The following PLS1 variants were observed in gnomAD, a reference collection of about 807,000 sequenced individuals.
PLS1 encodes plastin 1, also known as plastin-1.
PLS1 carries 32 observed loss-of-function variants against 73.7 expected under a neutral mutation model. That is an observed-to-expected ratio of 0.43 (90% confidence interval 0.33 to 0.58). The LOEUF (loss-of-function observed/expected upper bound fraction) is 0.58. Ranked by LOEUF, PLS1 falls within the 20% of genes least tolerant of loss-of-function variation. The probability of loss-of-function intolerance (pLI) is 0.04; values close to 1 mark genes in which losing one functional copy is unlikely to be tolerated. For missense variants in PLS1, 633 were observed against 740.5 expected (o/e 0.85, Z 1.68); for synonymous variants, 217 against 261.3 (o/e 0.83, Z 1.63).
intron 1 of PLS1, among the ~76,000 whole-genome samples, chr3:142,639,082 T>G (rs1435356385): frequency 6.6e-6 from 1 of 152,158 alleles, no homozygotes; most frequent in African/African-American, 2.4e-5. Context: ...TCATCAGTAC[T>G]TATATAATAG....
intron 1 of PLS1, among the ~76,000 whole-genome samples, chr3:142,619,019 G>A (rs567344342): frequency 2.0e-4 from 30 of 152,276 alleles, no homozygotes; most frequent in African/African-American, 6.3e-4. Flanking sequence ...ATAAGATAGC[G>A]GTGGTTATCG....
At chr3:142,710,366 T>C (rs574980436) in intron 14 of PLS1, among the ~76,000 whole-genome samples, 3 of 152,238 alleles carry the variant, frequency 2.0e-5, no homozygotes, top group Admixed American at 6.5e-5. Context: ...AGAATAGCAT[T>C]CCTCTATTTG....
At chr3:142,604,100 A>G (rs1017180198) in intron 1 of PLS1, among the ~76,000 whole-genome samples, 2 of 152,140 alleles carry the variant, frequency 1.3e-5, no homozygotes, top group Non-Finnish European at 2.9e-5. Context: ...AGCTCCTTCA[A>G]TTTTTTTGAG....
chr3:142,670,997 T>C lies in PLS1; in HGVS notation c.239T>C (p.Met80Thr). Residue 80 changes from methionine to threonine, a missense_variant, in exon 4 of 16, where the codon ATG (methionine) becomes ACG (threonine). Coordinates refer to ENST00000457734, the MANE Select transcript of PLS1 (RefSeq NM_001145319.2). Reference sequence around the variant, plus strand: ...TTTACTTATGTTCCATTCCAGCTAATGCAAGAATTAAAAAGCAAAGATATC... The same window carrying C: ...TTTACTTATGTTCCATTCCAGCTAACGCAAGAATTAAAAAGCAAAGATATC... ...KISFEEFVSL[M>T]QELKSKDISK... 1 of 1,589,376 alleles carries C rather than the reference T, an allele frequency of 6.3e-7. No homozygotes were observed. The highest frequency in any genetic ancestry group is 8.6e-7 in the Non-Finnish European group (1 of 1,159,432).
intron 2 of PLS1, among the ~76,000 whole-genome samples, chr3:142,666,272 C>T (rs2037477814): frequency 6.6e-6 from 1 of 152,158 alleles, no homozygotes; most frequent in African/African-American, 2.4e-5. Flanking sequence ...ACCACCATCC[C>T]TTTCCCAAAC....
chr3:142,697,828 GTCAT>G, intron 11 of PLS1, 121 bp from the exon 12 acceptor site: 1 of 587,354 alleles, frequency 1.7e-6, no homozygotes, highest in Non-Finnish European at 3.1e-6. Flanking sequence ...GATATGTCCT[GTCAT>G]TCTTTAAGAA....
chr3:142,614,451 G>A (rs538577523), intron 1 of PLS1, among the ~76,000 whole-genome samples: 47 of 152,222 alleles, frequency 3.1e-4, no homozygotes, highest in African/African-American at 1.1e-3. Flanking sequence ...TTATCTAGAG[G>A]GTACAGCAAC....
At chr3:142,680,045 G>A (rs995561496) in intron 6 of PLS1, among the ~76,000 whole-genome samples, 5 of 152,110 alleles carry the variant, frequency 3.3e-5, no homozygotes, top group Non-Finnish European at 7.3e-5. Context: ...AATTGTGAAT[G>A]GGAGTTCACT....
chr3:142,598,316 C>T (rs1217942535), intron 1 of PLS1, among the ~76,000 whole-genome samples: 1 of 152,076 alleles, frequency 6.6e-6, no homozygotes, highest in Non-Finnish European at 1.5e-5. Context: ...ATTCTTAGCC[C>T]CTGTTTGTGG....
At position 142,603,283 on chromosome 3, in the gene PLS1, A is replaced by G. The variant is rs373790983; in HGVS notation, c.-37+6774A>G. ...GTAAAGGCACGTTGCTTTTTATTAT[A>G]GTAATATTGTGGGCACAGAAAGGGT... On this transcript the variant is annotated intron_variant, in intron 1 of 15. Transcript: ENST00000457734. Among the ~76,000 whole-genome samples, 4 of 152,256 alleles carry G rather than the reference A, an allele frequency of 2.6e-5. No individual in the cohort carries two copies. In the East Asian group the frequency reaches 7.7e-4, roughly 29 times the overall value.
rs533235260 is a variant in PLS1, at chr3:142,623,761, A to G, written c.-37+27252A>G. ...TGTGAAGATAATATAATTCTTAATT[A>G]TCTCTTCATTTTTCTGTTTGAAAAC... On this transcript the variant is annotated intron_variant, in intron 1 of 15. Coordinates refer to ENST00000457734, the MANE Select transcript of PLS1 (RefSeq NM_001145319.2). Among the ~76,000 whole-genome samples, 7 of 152,330 alleles carry G rather than the reference A, an allele frequency of 4.6e-5. No individual in the cohort carries two copies. The East Asian group carries it at 1.4e-3, about 29-fold the overall frequency.
intron 1 of PLS1, among the ~76,000 whole-genome samples, chr3:142,633,809 T>G (rs2036618889): frequency 6.6e-6 from 1 of 152,084 alleles, no homozygotes; most frequent in Non-Finnish European, 1.5e-5. Flanking sequence ...CAGTAAAAAA[T>G]TACCAGGCAT....
chr3:142,693,901 G>A (rs1445313206), intron 10 of PLS1, among the ~76,000 whole-genome samples: 2 of 151,816 alleles, frequency 1.3e-5, no homozygotes, highest in East Asian at 3.9e-4. Flanking sequence ...ACTAACTCAG[G>A]AAGCCTGTAA....
At chr3:142,668,908 A>G (rs1208411888) in intron 2 of PLS1, among the ~76,000 whole-genome samples, 1 of 151,846 alleles carries the variant, frequency 6.6e-6, no homozygotes. Flanking sequence ...GGCCCCCCCC[A>G]TGCTTATTTC....
chr3:142,685,552 G>A (rs111621484), intron 8 of PLS1, among the ~76,000 whole-genome samples: 2,752 of 152,270 alleles, frequency 0.018, 84 homozygotes, highest in African/African-American at 0.062. Context: ...TCAGTCACAT[G>A]TCTGGTGCCT....
At position 142,667,332 on chromosome 3, in the gene PLS1, T is replaced by A. The variant is rs2037500339; in HGVS notation, c.71-2058T>A. Among the ~76,000 whole-genome samples, 3 of 152,084 alleles carry A rather than the reference T, an allele frequency of 2.0e-5. No individual in the cohort carries two copies. The South Asian group carries it at 6.2e-4, about 32-fold the overall frequency. On this transcript the variant is annotated intron_variant, in intron 2 of 15. Transcript: ENST00000457734. Reference sequence around the variant, plus strand: ...TGGGAGGCTGAGGCAGGAGAATCGCTTGAACCTGGGAGGCAGAGGTTGTAG... The same window carrying A: ...TGGGAGGCTGAGGCAGGAGAATCGCATGAACCTGGGAGGCAGAGGTTGTAG...
intron 1 of PLS1, among the ~76,000 whole-genome samples, chr3:142,611,459 A>C (rs967319879): frequency 6.6e-6 from 1 of 152,174 alleles, no homozygotes; most frequent in Non-Finnish European, 1.5e-5. Context: ...TTGTCTCTAC[A>C]AAAAATTTAA....
chr3:142,634,882 T>C (rs2036643169), intron 1 of PLS1, among the ~76,000 whole-genome samples: 1 of 151,880 alleles, frequency 6.6e-6, no homozygotes, highest in Non-Finnish European at 1.5e-5. Flanking sequence ...ACATATGGGG[T>C]TTGAGCGGAA....
At chr3:142,676,580 G>T (rs1486783873) in intron 5 of PLS1, among the ~76,000 whole-genome samples, 1 of 152,150 alleles carries the variant, frequency 6.6e-6, no homozygotes, top group Non-Finnish European at 1.5e-5. Flanking sequence ...TATTCGCAGG[G>T]TTTCTCTTTT....
Sources: gnomAD v4.1 joint callset for allele counts (sites outside exome capture counted in the v4.1 genomes callset) on GRCh38, gnomAD v4.1.1 for gene constraint, MANE v1.5 for transcripts, NCBI Gene and HGNC (gene_info 2026-07-23, HGNC 2026-07-21) for gene names.